The following CR1L variants were observed in gnomAD, a reference collection of about 807,000 sequenced individuals.
CR1L encodes complement component receptor 1-like protein.
Under a neutral mutation model 62.3 loss-of-function variants are expected in CR1L, and 59 were observed. The ratio of observed to expected loss-of-function variants is 0.95; its 90% CI spans 0.77 to 1.18. The LOEUF (loss-of-function observed/expected upper bound fraction) is 1.18. Ranked by LOEUF, CR1L falls within the 50% of genes most tolerant of loss-of-function variation. The probability of loss-of-function intolerance (pLI) is 0.00; values close to 1 mark genes in which losing one functional copy is unlikely to be tolerated. For synonymous variants in CR1L, 279 were observed against 248.7 expected (o/e 1.12, Z -1.15); for missense variants, 700 against 702.8 (o/e 1.00, Z 0.04).
At chr1:207,653,010 G>C in intron 1 of CR1L, 1 of 227,834 alleles carries the variant, frequency 4.4e-6, no homozygotes, top group Non-Finnish European at 8.6e-6. Flanking sequence ...CCGCAATGCA[G>C]AATTTTGACC....
Position 207,668,732 on chromosome 1 carries a change from G to T in CR1L, c.98-8657G>T, listed in dbSNP as rs982320447. ...ACCAAAATCCAATACATGAGCAACT[G>T]TTCATTCCATCTCCAATATCTTTGT... On this transcript the variant is annotated intron_variant, in intron 1 of 11. Transcript: ENST00000508064. Among the ~76,000 whole-genome samples the T allele has an allele frequency of 2.1e-4, 32 of 150,946 alleles. 3 individuals carry two copies. Among genetic ancestry groups the T allele is most frequent in the African/African-American group, 7.4e-4 (30 of 40,284 alleles).
intron 1 of CR1L, chr1:207,669,575 T>TG (rs34198238): frequency 2.0e-6 from 3 of 1,486,492 alleles, no homozygotes; most frequent in Non-Finnish European, 1.8e-6. Flanking sequence ...GGTGAAACGC[T>TG]GGGGGGCGTG....
intron 1 of CR1L, among the ~76,000 whole-genome samples, chr1:207,646,710 C>CTA (rs1663132316): frequency 1.5e-5 from 1 of 64,728 alleles, no homozygotes; most frequent in Non-Finnish European, 2.5e-5. Flanking sequence ...GACCCTGTCT[C>CTA]AAAAAAAAAA....
At chr1:207,688,235 C>G (rs2102464997) in intron 4 of CR1L, among the ~76,000 whole-genome samples, 1 of 152,306 alleles carries the variant, frequency 6.6e-6, no homozygotes, top group East Asian at 1.9e-4. Context: ...ATGATGGTAC[C>G]ACTGCACTCC....
chr1:207,651,725 A>G (rs1440753320), intron 1 of CR1L, among the ~76,000 whole-genome samples: 1 of 152,234 alleles, frequency 6.6e-6, no homozygotes, highest in Non-Finnish European at 1.5e-5. Flanking sequence ...TAGCTTTATT[A>G]TAGGACATGC....
intron 7 of CR1L, 62 bp downstream of exon 7, chr1:207,697,935 A>C (rs543688067): frequency 2.5e-5 from 41 of 1,609,704 alleles, no homozygotes; most frequent in Non-Finnish European, 3.5e-5. Context: ...TAGTCCAAAA[A>C]GGGGAGATTT....
intron 10 of CR1L, chr1:207,710,640 T>C (rs1664340795): frequency 1.2e-6 from 2 of 1,610,128 alleles, no homozygotes; most frequent in Non-Finnish European, 1.7e-6. Context: ...GGAATATTGG[T>C]GTCTGACAAC....
chr1:207,660,709 C>T (rs1404516514), intron 1 of CR1L, among the ~76,000 whole-genome samples: 1 of 152,156 alleles, frequency 6.6e-6, no homozygotes, highest in Non-Finnish European at 1.5e-5. Flanking sequence ...TTTGCTCTTG[C>T]TTCTCTAGTT....
chr1:207,680,537 TAA>T (rs66787201), intron 3 of CR1L, among the ~76,000 whole-genome samples: 21 of 151,002 alleles, frequency 1.4e-4, no homozygotes, highest in South Asian at 4.2e-4. Flanking sequence ...TATCTCAAAA[TAA>T]AAAAATTTTT....
intron 10 of CR1L, chr1:207,715,284 A>G (rs1379065900): frequency 7.0e-7 from 1 of 1,433,920 alleles, no homozygotes; most frequent in Non-Finnish European, 9.7e-7. Flanking sequence ...TTGCTCACAC[A>G]TTTGCTACCA....
At chr1:207,685,457 A>T (rs1484789986) in intron 4 of CR1L, among the ~76,000 whole-genome samples, 1 of 152,250 alleles carries the variant, frequency 6.6e-6, no homozygotes, top group Non-Finnish European at 1.5e-5. Context: ...ATAACACCTT[A>T]GTCGGCTATC....
intron 9 of CR1L, among the ~76,000 whole-genome samples, chr1:207,707,946 T>G (rs186855663): frequency 6.6e-6 from 1 of 152,138 alleles, no homozygotes; most frequent in Admixed American, 6.5e-5. Flanking sequence ...CAGTCCACAA[T>G]GAAGTCAAGA....
chr1:207,707,050 A>G (rs1664278875), intron 9 of CR1L, among the ~76,000 whole-genome samples: 2 of 152,236 alleles, frequency 1.3e-5, no homozygotes, highest in Non-Finnish European at 2.9e-5. Flanking sequence ...GTTTAAATAT[A>G]TGTATCAAGT....
At chr1:207,709,572 A>G (rs1311505783) in intron 10 of CR1L, among the ~76,000 whole-genome samples, 1 of 152,230 alleles carries the variant, frequency 6.6e-6, no homozygotes, top group Admixed American at 6.5e-5. Context: ...ACAGTGGCTC[A>G]CACCTGTAAT....
intron 1 of CR1L, among the ~76,000 whole-genome samples, chr1:207,653,575 G>T (rs1411749246): frequency 6.6e-6 from 1 of 152,182 alleles, no homozygotes; most frequent in Non-Finnish European, 1.5e-5. Flanking sequence ...ACTCTGTAAA[G>T]TGTGACCTGG....
chr1:207,679,240 T>C (rs1341851287), intron 3 of CR1L, among the ~76,000 whole-genome samples: 1 of 147,196 alleles, frequency 6.8e-6, no homozygotes, highest in Non-Finnish European at 1.5e-5. Context: ...CCTGATCTCA[T>C]GATCCGCCCA....
At chr1:207,676,178 T>A (rs144914658) in intron 1 of CR1L, among the ~76,000 whole-genome samples, 5 of 152,284 alleles carry the variant, frequency 3.3e-5, no homozygotes, top group Non-Finnish European at 7.4e-5. Context: ...AGCTTCCCCT[T>A]TAGTGAAAGA....
intron 1 of CR1L, among the ~76,000 whole-genome samples, chr1:207,648,959 T>C (rs912005268): frequency 1.3e-5 from 2 of 150,302 alleles, no homozygotes; most frequent in African/African-American, 5.0e-5. Context: ...GGACTTTGAG[T>C]ACCAAATTTT....
chr1:207,722,886 A>G (rs1233298681), intron 11 of CR1L, among the ~76,000 whole-genome samples: 2 of 152,214 alleles, frequency 1.3e-5, no homozygotes, highest in Non-Finnish European at 2.9e-5. Context: ...CATTTTATTA[A>G]GGGTTTCATG....
Sources: allele counts gnomAD v4.1 joint callset (sites outside exome capture counted in the v4.1 genomes callset), GRCh38; gene constraint gnomAD v4.1.1; transcripts MANE v1.5; gene names NCBI Gene and HGNC (gene_info 2026-07-23, HGNC 2026-07-21).